GLIS3: variants seen among roughly 807,000 people sequenced by gnomAD.
The protein encoded by GLIS3 is zinc finger protein GLIS3.
In GLIS3, 53 loss-of-function variants were observed where a neutral mutation model predicts 78.6. The ratio of observed to expected loss-of-function variants is 0.67; its 90% CI spans 0.54 to 0.85. The LOEUF is 0.85. Ranked by LOEUF, GLIS3 falls within the 40% of genes least tolerant of loss-of-function variation. The pLI, the probability that GLIS3 is intolerant of heterozygous loss-of-function variation, is 0.00. For synonymous variants in GLIS3, 684 were observed against 509.9 expected, an observed-to-expected ratio of 1.34 and a Z score of -4.60; for missense variants, 1,703 against 1,231.1, an observed-to-expected ratio of 1.38 and a Z score of -5.74.
chr9:4,445,851 A>G, the GLIS3 span, among the ~76,000 whole-genome samples: 1 of 152,222 alleles, frequency 6.6e-6, no homozygotes, highest in Non-Finnish European at 1.5e-5. Context: ...AATCAACAGC[A>G]TGGTTGAGAC....
the GLIS3 span, among the ~76,000 whole-genome samples, chr9:4,480,862 G>T: frequency 1.3e-5 from 2 of 149,792 alleles, no homozygotes; most frequent in Non-Finnish European, 3.0e-5. Flanking sequence ...CCACCTACTG[G>T]TTTTTTTTCT....
chr9:4,168,240 G>C (rs1816049273), intron 2 of GLIS3, among the ~76,000 whole-genome samples: 1 of 151,750 alleles, frequency 6.6e-6, no homozygotes, highest in Non-Finnish European at 1.5e-5. Flanking sequence ...CTTCAGACTA[G>C]CTCTCTGTTG....
At chr9:4,092,637 C>G (rs1268103080) in intron 4 of GLIS3, among the ~76,000 whole-genome samples, 2 of 152,116 alleles carry the variant, frequency 1.3e-5, no homozygotes, top group Non-Finnish European at 1.5e-5. Flanking sequence ...TGTCTTCCAC[C>G]TCCACATCTC....
At chr9:4,073,264 T>G (rs992515379) in intron 4 of GLIS3, among the ~76,000 whole-genome samples, 1 of 152,208 alleles carries the variant, frequency 6.6e-6, no homozygotes, top group Non-Finnish European at 1.5e-5. Context: ...AACATTCATC[T>G]GAACACAGGA....
At chr9:4,152,898 G>C (rs1045548729) in intron 2 of GLIS3, among the ~76,000 whole-genome samples, 3 of 152,162 alleles carry the variant, frequency 2.0e-5, no homozygotes, top group African/African-American at 7.2e-5. Context: ...GGAGGAGAAA[G>C]CAACATATAA....
the GLIS3 span, among the ~76,000 whole-genome samples, chr9:4,355,788 C>A: frequency 6.6e-6 from 1 of 152,128 alleles, no homozygotes; most frequent in Non-Finnish European, 1.5e-5. Flanking sequence ...CTGAGCATTG[C>A]ACCTATACAA....
intron 4 of GLIS3, among the ~76,000 whole-genome samples, chr9:3,985,985 T>C (rs796504925): frequency 1.3e-5 from 2 of 152,226 alleles, no homozygotes; most frequent in African/African-American, 4.8e-5. Flanking sequence ...AGAAGAGAAA[T>C]AAATCAGTCA....
At chr9:4,371,008 T>C in the GLIS3 span, among the ~76,000 whole-genome samples, 1 of 152,246 alleles carries the variant, frequency 6.6e-6, no homozygotes, top group African/African-American at 2.4e-5. Context: ...CCCTCAAATG[T>C]TAACAGTGAC....
chr9:4,287,450 C>T (rs7025929), intron 1 of GLIS3, among the ~76,000 whole-genome samples: 152,082 of 152,334 alleles, frequency 1, 75,917 homozygotes, highest in Middle Eastern at 1. Context: ...AAGAAGGCCC[C>T]TCCTTCCCTT....
At chr9:4,386,907 G>T in the GLIS3 span, among the ~76,000 whole-genome samples, 3 of 152,216 alleles carry the variant, frequency 2.0e-5, no homozygotes, top group South Asian at 6.2e-4. Flanking sequence ...TCTTTTTTCT[G>T]TAACTGCTTC....
intron 2 of GLIS3, among the ~76,000 whole-genome samples, chr9:4,276,356 G>C (rs1043561356): frequency 4.9e-5 from 4 of 81,648 alleles, no homozygotes; most frequent in Non-Finnish European, 1.0e-4. Flanking sequence ...GGGCACGGGA[G>C]GGAAGGAGAG....
intron 6 of GLIS3, among the ~76,000 whole-genome samples, chr9:3,908,981 G>T (rs1024082560): frequency 1.3e-5 from 2 of 152,152 alleles, no homozygotes; most frequent in South Asian, 2.1e-4. Context: ...ACAATCAAAG[G>T]CCTTTTGTTT....
At chr9:4,378,946 G>C in the GLIS3 span, among the ~76,000 whole-genome samples, 1 of 152,298 alleles carries the variant, frequency 6.6e-6, no homozygotes, top group Non-Finnish European at 1.5e-5. Context: ...GAAGGGGATT[G>C]AGGCCAAGTG....
intron 1 of GLIS3, among the ~76,000 whole-genome samples, chr9:4,287,874 G>A (rs567908351): frequency 9.2e-5 from 14 of 152,324 alleles, no homozygotes; most frequent in African/African-American, 2.9e-4. Context: ...TGCCTATCTT[G>A]AGGAAATTCA....
intron 4 of GLIS3, among the ~76,000 whole-genome samples, chr9:4,018,851 C>A (rs1438119323): frequency 6.6e-6 from 1 of 152,172 alleles, no homozygotes; most frequent in Non-Finnish European, 1.5e-5. Context: ...TTTTCCCTGA[C>A]TAGAAAAGAA....
At chr9:4,254,760 A>G (rs1010694291) in intron 2 of GLIS3, among the ~76,000 whole-genome samples, 1 of 151,628 alleles carries the variant, frequency 6.6e-6, no homozygotes, top group Non-Finnish European at 1.5e-5. Flanking sequence ...GAATTGCTTG[A>G]GCCTGGGAAG....
chr9:3,915,913 C>A (rs984023736), intron 6 of GLIS3, among the ~76,000 whole-genome samples: 2 of 152,154 alleles, frequency 1.3e-5, no homozygotes, highest in Non-Finnish European at 2.9e-5. Context: ...TCTTCCCCAA[C>A]CATCCTCCAA....
the GLIS3 span, among the ~76,000 whole-genome samples, chr9:4,383,368 C>G: frequency 4.6e-5 from 7 of 152,184 alleles, no homozygotes; most frequent in Non-Finnish European, 8.8e-5. Flanking sequence ...TCCTTTTTAT[C>G]TACTATTTTC....
At chr9:4,003,042 C>G (rs1244988119) in intron 4 of GLIS3, among the ~76,000 whole-genome samples, 1 of 152,130 alleles carries the variant, frequency 6.6e-6, no homozygotes, top group Non-Finnish European at 1.5e-5. Context: ...TTGGTGTTAC[C>G]TGAAGCTGCA....
Sources: gnomAD v4.1 joint callset for allele counts (sites outside exome capture counted in the v4.1 genomes callset) on GRCh38, gnomAD v4.1.1 for gene constraint, MANE v1.5 for transcripts, NCBI Gene and HGNC (gene_info 2026-07-23, HGNC 2026-07-21) for gene names.